The following LARGE1 variants were observed in gnomAD, a reference collection of about 807,000 sequenced individuals.
LARGE1 encodes xylosyl- and glucuronyltransferase LARGE1.
In LARGE1, 43 loss-of-function variants were observed where a neutral mutation model predicts 87.6. That is an observed-to-expected ratio of 0.49 (90% CI 0.38 to 0.63). LARGE1 has a LOEUF of 0.63. Among genes scored for constraint, LARGE1 ranks in the 30% least tolerant of loss-of-function variants. The probability of loss-of-function intolerance (pLI) is 0.00; values close to 1 mark genes in which losing one functional copy is unlikely to be tolerated. For missense variants in LARGE1, 802 were observed against 1,000.2 expected, an observed-to-expected ratio of 0.80 and a Z score of 2.67; for synonymous variants, 434 against 394.6, an observed-to-expected ratio of 1.10 and a Z score of -1.18.
At chr22:33,802,689 A>G (rs1413944888) in intron 1 of LARGE1, among the ~76,000 whole-genome samples, 2 of 152,142 alleles carry the variant, frequency 1.3e-5, no homozygotes, top group Non-Finnish European at 2.9e-5. Context: ...ACCAAGGTGA[A>G]TTGGGCATGT....
intron 11 of LARGE1, among the ~76,000 whole-genome samples, chr22:33,176,157 G>T (rs2146150347): frequency 6.6e-6 from 1 of 152,232 alleles, no homozygotes; most frequent in African/African-American, 2.4e-5. Context: ...ACTAACTCAA[G>T]ATGGATGAAA....
At chr22:33,413,721 T>C (rs1319941292) in intron 7 of LARGE1, among the ~76,000 whole-genome samples, 1 of 151,988 alleles carries the variant, frequency 6.6e-6, no homozygotes, top group Non-Finnish European at 1.5e-5. Flanking sequence ...CGCCTCGGCC[T>C]CCCAAAGTGC....
chr22:33,503,948 A>G (rs1037921959), intron 6 of LARGE1, among the ~76,000 whole-genome samples: 1 of 152,232 alleles, frequency 6.6e-6, no homozygotes, highest in African/African-American at 2.4e-5. Flanking sequence ...GTGGCATAAA[A>G]AGGAATTCCA....
At chr22:33,779,607 C>T (rs535135936) in intron 1 of LARGE1, among the ~76,000 whole-genome samples, 2 of 151,898 alleles carry the variant, frequency 1.3e-5, no homozygotes, top group Non-Finnish European at 2.9e-5. Context: ...TAGTGAAACC[C>T]CATCTCTACT....
intron 6 of LARGE1, among the ~76,000 whole-genome samples, chr22:33,517,461 T>C (rs984333333): frequency 6.6e-6 from 1 of 152,158 alleles, no homozygotes; most frequent in Admixed American, 6.5e-5. Flanking sequence ...AGTGGTGCAA[T>C]CTTGGCTCAC....
intron 11 of LARGE1, among the ~76,000 whole-genome samples, chr22:33,308,900 CT>C (rs533430684): frequency 6.6e-6 from 1 of 152,176 alleles, no homozygotes; most frequent in Non-Finnish European, 1.5e-5. Context: ...TACAAAGTGT[CT>C]GGTGCAAAGC....
At chr22:33,259,099 T>C (rs568232732) in intron 11 of LARGE1, among the ~76,000 whole-genome samples, 5 of 152,200 alleles carry the variant, frequency 3.3e-5, no homozygotes, top group Admixed American at 2.6e-4. Flanking sequence ...AGGATGGTCT[T>C]GAACTCCTGA....
intron 11 of LARGE1, among the ~76,000 whole-genome samples, chr22:33,262,313 T>C (rs1312776029): frequency 6.6e-6 from 1 of 152,178 alleles, no homozygotes; most frequent in Non-Finnish European, 1.5e-5. Flanking sequence ...TTGATTTCAG[T>C]CAAACCCTTT....
chr22:33,734,278 C>A (rs1196965513), intron 2 of LARGE1, among the ~76,000 whole-genome samples: 1 of 152,212 alleles, frequency 6.6e-6, no homozygotes, highest in East Asian at 1.9e-4. Context: ...AGGACTTCAA[C>A]ATCTTTTGTG....
intron 12 of LARGE1, among the ~76,000 whole-genome samples, chr22:33,289,021 C>A (rs1258198960): frequency 6.6e-6 from 1 of 151,966 alleles, no homozygotes; most frequent in African/African-American, 2.4e-5. Context: ...TGCGGTGGTG[C>A]GATCTCGGCT....
chr22:33,540,971 TAA>T, intron 6 of LARGE1, among the ~76,000 whole-genome samples: 1 of 141,702 alleles, frequency 7.1e-6, no homozygotes, highest in Non-Finnish European at 1.5e-5. Flanking sequence ...CCATCTCTAT[TAA>T]AAAAAAATAT....
At chr22:33,692,486 G>A (rs1053225173) in intron 2 of LARGE1, among the ~76,000 whole-genome samples, 4 of 152,008 alleles carry the variant, frequency 2.6e-5, no homozygotes, top group African/African-American at 4.8e-5. Context: ...AATTTTTGTA[G>A]TTTTAGTAGA....
chr22:33,454,183 G>A (rs1048789267), intron 6 of LARGE1, among the ~76,000 whole-genome samples: 3 of 152,106 alleles, frequency 2.0e-5, no homozygotes, highest in African/African-American at 4.8e-5. Context: ...CAGAGTTTCT[G>A]TGCTGTTTTC....
intron 11 of LARGE1, among the ~76,000 whole-genome samples, chr22:33,184,057 GTTAA>G (rs1420781259): frequency 9.3e-6 from 1 of 107,444 alleles, no homozygotes; most frequent in Non-Finnish European, 2.1e-5. Flanking sequence ...TGATGGGTGT[GTTAA>G]TTAATTTGAC....
intron 6 of LARGE1, among the ~76,000 whole-genome samples, chr22:33,480,128 AG>A: frequency 6.6e-6 from 1 of 152,186 alleles, no homozygotes; most frequent in Non-Finnish European, 1.5e-5. Flanking sequence ...AGCTACTCAA[AG>A]CAACGGTGCC....
At chr22:33,888,913 T>C (rs568057563) in intron 1 of LARGE1, among the ~76,000 whole-genome samples, 3 of 152,268 alleles carry the variant, frequency 2.0e-5, no homozygotes, top group Non-Finnish European at 4.4e-5. Context: ...TTTTGTAACA[T>C]ACTTCACTCC....
At chr22:33,367,716 C>T (rs5998898) in intron 9 of LARGE1, among the ~76,000 whole-genome samples, 2,756 of 152,256 alleles carry the variant, frequency 0.018, 80 homozygotes, top group African/African-American at 0.062. Flanking sequence ...CATGAGTCAC[C>T]AGGCCCGGCC....
At chr22:33,599,662 T>G (rs930126471) in intron 5 of LARGE1, among the ~76,000 whole-genome samples, 1 of 152,168 alleles carries the variant, frequency 6.6e-6, no homozygotes, top group Non-Finnish European at 1.5e-5. Context: ...ATGTCCTGTT[T>G]CCTATTACTT....
At chr22:33,513,812 T>TACACACACACAC (rs56262022) in intron 6 of LARGE1, among the ~76,000 whole-genome samples, 21,558 of 142,992 alleles carry the variant, frequency 0.15, 1,876 homozygotes, top group Non-Finnish European at 0.2. Flanking sequence ...AGAGCTGATG[T>TACACACACACAC]ACACACACAC....
Sources: allele counts gnomAD v4.1 joint callset (sites outside exome capture counted in the v4.1 genomes callset), GRCh38; gene constraint gnomAD v4.1.1; transcripts MANE v1.5; gene names NCBI Gene and HGNC (gene_info 2026-07-23, HGNC 2026-07-21).